FXYD5: variants seen among roughly 807,000 people sequenced by gnomAD.
The protein encoded by FXYD5 is FXYD domain containing ion transport regulator 5, also known as FXYD domain-containing ion transport regulator 5.
In FXYD5, 21 loss-of-function variants were observed where a neutral mutation model predicts 25.7. That is an observed-to-expected ratio of 0.82 (90% confidence interval 0.58 to 1.18). The LOEUF is 1.18. Among genes scored for constraint, FXYD5 ranks in the 50% most tolerant of loss-of-function variants. FXYD5 has a pLI of 0.00. For synonymous variants in FXYD5, 101 were observed against 90.7 expected, an observed-to-expected ratio of 1.11 and a Z score of -0.64; for missense variants, 229 against 227.7, an observed-to-expected ratio of 1.01 and a Z score of -0.04.
At chr19:35,163,269 G>A (rs2065421117) in intron 5 of FXYD5, among the ~76,000 whole-genome samples, 1 of 152,156 alleles carries the variant, frequency 6.6e-6, no homozygotes, top group South Asian at 2.1e-4. Flanking sequence ...TTTAGGGTGT[G>A]GGGCACTGAG....
intron 2 of FXYD5, 56 bp downstream of exon 2, chr19:35,155,667 C>T (rs2065347476): frequency 7.7e-7 from 1 of 1,297,132 alleles, no homozygotes; most frequent in South Asian, 1.2e-5. Context: ...AGGCCAGCCC[C>T]ACGTGTGCTG....
chr19:35,156,073 G>A (rs1471014276), intron 2 of FXYD5, among the ~76,000 whole-genome samples: 1 of 152,224 alleles, frequency 6.6e-6, no homozygotes, highest in Non-Finnish European at 1.5e-5. Flanking sequence ...GGTATTGATC[G>A]TTCTTTCTGT....
chr19:35,155,629 C>G lies in FXYD5; in HGVS notation c.61+18C>G. On this transcript the variant is annotated intron_variant, in intron 2 of 8. Transcript: ENST00000392219. ...CACCAGAGGTAAGACCCATCTCTGG[C>G]CTCCACCCTGCCCCAGAGCCCCCAG... The G allele has an allele frequency of 6.3e-7, 1 of 1,577,132 alleles. No homozygotes were observed. Among genetic ancestry groups the G allele is most frequent in the Non-Finnish European group, 8.7e-7 (1 of 1,151,378 alleles).
chr19:35,159,728 G>T (rs1398460617), intron 4 of FXYD5: 3 of 1,407,262 alleles, frequency 2.1e-6, no homozygotes, highest in Non-Finnish European at 2.8e-6. Context: ...AACCCTAAGA[G>T]GCAGAAATTA....
intron 5 of FXYD5, among the ~76,000 whole-genome samples, chr19:35,161,112 C>A (rs1258570485): frequency 6.6e-6 from 1 of 152,096 alleles, no homozygotes; most frequent in Non-Finnish European, 1.5e-5. Flanking sequence ...GTCAGTTCCC[C>A]TCGGAGGGCT....
In FXYD5 at chr19:35,157,461, C is replaced by T. The variant is rs748726007; in HGVS notation, c.102C>T (p.Asp34=). Residue 34 remains aspartate, a synonymous_variant, in exon 3 of 9, where the codon GAC becomes GAT. Coordinates refer to ENST00000392219, the MANE Select transcript of FXYD5 (RefSeq NM_014164.6). ...ATACCACGTCCAGTTCTTCAGCAGA[C>T]TCAACTATCATGGACATTCAGGTCC... ...LKDTTSSSSA[D]STIMDIQVPT... 9.4e-6 allele frequency: 15 copies of T among 1,597,726 alleles called. No homozygotes were observed. Among genetic ancestry groups the T allele is most frequent in the Middle Eastern group, 1.7e-4 (1 of 6,048 alleles).
At position 35,158,254 on chromosome 19, in the gene FXYD5, C is replaced by T. The variant is rs556909424; in HGVS notation, c.143-90C>T. On this transcript the variant is annotated intron_variant, in intron 3 of 8. Coordinates refer to ENST00000392219, the MANE Select transcript of FXYD5 (RefSeq NM_014164.6). ...CTATTACATTAAAGTTGAGTTGCTA[C>T]GGGAATCTCTGGCATCTCCACCCAT... 6.7e-5 allele frequency: 55 copies of T among 823,950 alleles called. No homozygotes were observed. The African/African-American group carries it at 7.7e-4, about 12-fold the overall frequency. The allele number at this position is 823,950 out of a possible 1,614,324, so 51.0% of individuals were successfully genotyped here.
intron 8 of FXYD5, chr19:35,166,552 T>A (rs1189675864): frequency 2.1e-6 from 1 of 471,500 alleles, no homozygotes; most frequent in Non-Finnish European, 3.7e-6. Flanking sequence ...GGGTGATTCT[T>A]CTGGTCTCAA....
rs1323008651 is a variant in FXYD5, at chr19:35,166,251, A to G, written c.413A>G (p.Asp138Gly). Reference protein sequence around the residue: ...GFHEDDPFFYDEHTLRKRGLL... With the variant: ...GFHEDDPFFYGEHTLRKRGLL... The stretch of plus-strand genomic sequence containing the variant: ...TACCCCTTCATTTTTCTCTCTGCAG[A>G]TGAACACACCCTCCGGAAACGGGGG... The change falls in exon 8 of 9, where the codon GAT (aspartate) becomes GGT (glycine). Residue 138 changes from aspartate to glycine, a missense_variant and splice_region_variant. Physicochemically the swap from Asp to Gly is moderately conservative, Grantham distance 94. Transcript: ENST00000392219. 6.2e-7 allele frequency: 1 copy of G among 1,612,982 alleles called. No individual in the cohort carries two copies. The highest frequency in any genetic ancestry group is 1.7e-5 in the Admixed American group (1 of 60,012).
chr19:35,159,771 A>T, intron 4 of FXYD5: 3 of 1,158,414 alleles, frequency 2.6e-6, no homozygotes, highest in Non-Finnish European at 3.5e-6. Flanking sequence ...AAGGAAACAG[A>T]GGCTGTGAGT....
intron 8 of FXYD5, 55 bp from the exon 9 acceptor site, chr19:35,169,511 C>A: frequency 1.5e-6 from 2 of 1,339,124 alleles, no homozygotes; most frequent in South Asian, 1.2e-5. Flanking sequence ...CCACAACACA[C>A]GATAAGAATC....
chr19:35,159,672 T>C (rs2065387831), intron 4 of FXYD5: 4 of 1,527,486 alleles, frequency 2.6e-6, no homozygotes, highest in Admixed American at 4.3e-5. Context: ...GTGCTGGTCA[T>C]GGTTCTAAAT....
At chr19:35,155,342 C>T (rs560647558) in intron 1 of FXYD5, 403 of 591,162 alleles carry the variant, frequency 6.8e-4, no homozygotes, top group Non-Finnish European at 1.0e-3. Context: ...CTTTGGGGAC[C>T]TGCAGGGGAA....
intron 2 of FXYD5, 41 bp from the exon 3 acceptor site, chr19:35,157,380 G>T: frequency 9.2e-7 from 1 of 1,084,382 alleles, no homozygotes; most frequent in Non-Finnish European, 1.4e-6. Flanking sequence ...GAGAGGAGGG[G>T]GACCAGGCTC....
Position 35,166,277 on chromosome 19 carries a change from C to T in FXYD5, c.439C>T (p.Leu147=). Reference sequence around the variant, plus strand: ...TGAACACACCCTCCGGAAACGGGGGCTGTTGGTCGCAGCTGTGCTGTTCAT... The same window carrying T: ...TGAACACACCCTCCGGAAACGGGGGTTGTTGGTCGCAGCTGTGCTGTTCAT... ...YDEHTLRKRG[L]LVAAVLFITG... is the part of the protein sequence containing the mutation. Residue 147 remains leucine (L), a synonymous_variant, in exon 8 of 9, where the codon CTG becomes TTG. Coordinates refer to ENST00000392219, the MANE Select transcript of FXYD5 (RefSeq NM_014164.6). 1 of 1,609,380 alleles carries T rather than the reference C, an allele frequency of 6.2e-7. No homozygotes were observed. Among genetic ancestry groups the T allele is most frequent in the South Asian group, 1.1e-5 (1 of 90,398 alleles).
intron 4 of FXYD5, 82 bp from the exon 5 acceptor site, chr19:35,160,627 T>C (rs2065396036): frequency 2.2e-6 from 2 of 922,810 alleles, no homozygotes; most frequent in Non-Finnish European, 1.8e-6. Context: ...AATACAGACA[T>C]AAGCCACCGC....
rs576416466 is a variant in FXYD5 at position 35,167,606 on chromosome 19, C to T, written c.487+1281C>T. 7.2e-5 allele frequency among the ~76,000 whole-genome samples: 11 copies of T among 152,320 alleles called. No homozygotes were observed. The South Asian group carries it at 1.4e-3, about 20-fold the overall frequency. ...AAAATGTTGTGGGTGAAATAAAACA[C>T]GAGCTATCAGTTAATCTGTATAACC... On this transcript the variant is annotated intron_variant, in intron 8 of 8. Coordinates refer to ENST00000392219, the MANE Select transcript of FXYD5 (RefSeq NM_014164.6).
At position 35,169,703 on chromosome 19, in the gene FXYD5, C is replaced by T; in HGVS notation, c.*88C>T. 2.4e-6 allele frequency: 2 copies of T among 834,544 alleles called. No homozygotes were observed. The highest frequency in any genetic ancestry group is 1.9e-5 in the Admixed American group (1 of 52,944). 51.7% of individuals were successfully genotyped at this position (834,544 alleles called of 1,614,324 possible). On this transcript the variant is annotated 3_prime_UTR_variant, in exon 9 of 9. Coordinates refer to ENST00000392219, the MANE Select transcript of FXYD5 (RefSeq NM_014164.6). ...CACCGTGCCCAGCCTCCTGCATCCCCTCGAAGAGCCTGGCCAGAGAGGGAA... is the reference window on the plus strand; with the variant it reads ...CACCGTGCCCAGCCTCCTGCATCCCTTCGAAGAGCCTGGCCAGAGAGGGAA...
At chr19:35,155,226 G>T in intron 1 of FXYD5, 1 of 428,248 alleles carries the variant, frequency 2.3e-6, no homozygotes. Flanking sequence ...TCCCAGTGAG[G>T]GATAAGCGCC....
Sources: allele counts gnomAD v4.1 joint callset (sites outside exome capture counted in the v4.1 genomes callset), GRCh38; gene constraint gnomAD v4.1.1; transcripts MANE v1.5; gene names NCBI Gene and HGNC (gene_info 2026-07-23, HGNC 2026-07-21).